TNRC6A: variants seen among roughly 807,000 people sequenced by gnomAD.
The protein encoded by TNRC6A is trinucleotide repeat containing adaptor 6A.
TNRC6A carries 44 observed loss-of-function variants against 221.2 expected under a neutral mutation model. That is an observed-to-expected ratio of 0.20 (90% confidence interval 0.16 to 0.26). TNRC6A has a LOEUF of 0.26. Ranked by LOEUF, TNRC6A falls within the 10% of genes least tolerant of loss-of-function variation. The probability of loss-of-function intolerance (pLI) is 1.00; values close to 1 mark genes in which losing one functional copy is unlikely to be tolerated. For missense variants in TNRC6A, 2,199 were observed against 2,404.4 expected (o/e 0.91, Z 1.79); for synonymous variants, 847 against 838.5 (o/e 1.01, Z -0.18).
intron 11 of TNRC6A, 88 bp from the exon 12 acceptor site, chr16:24,804,089 G>C (rs1429988698): frequency 7.3e-7 from 1 of 1,377,698 alleles, no homozygotes; most frequent in African/African-American, 1.5e-5. Context: ...TTTCAGTTTG[G>C]AAAGTGAGTG....
At chr16:24,650,322 G>C (rs1902568023) in intron 2 of TNRC6A, among the ~76,000 whole-genome samples, 1 of 152,124 alleles carries the variant, frequency 6.6e-6, no homozygotes, top group South Asian at 2.1e-4. Flanking sequence ...CATACTGTCT[G>C]GATAAAACAT....
intron 2 of TNRC6A, among the ~76,000 whole-genome samples, chr16:24,731,785 G>T (rs377440621): frequency 6.6e-6 from 1 of 152,172 alleles, no homozygotes; most frequent in African/African-American, 2.4e-5. Flanking sequence ...TCGAGTCTGG[G>T]TTGGCTATTT....
chr16:24,688,405 C>A (rs1472036535), intron 2 of TNRC6A, among the ~76,000 whole-genome samples: 1 of 152,164 alleles, frequency 6.6e-6, no homozygotes, highest in East Asian at 1.9e-4. Flanking sequence ...GCCCTTTCCA[C>A]CTCCTCTCCA....
chr16:24,805,800 C>T (rs1428110469), intron 15 of TNRC6A, 67 bp downstream of exon 15: 3 of 1,599,364 alleles, frequency 1.9e-6, no homozygotes, highest in Admixed American at 1.7e-5. Flanking sequence ...AAACACTAGA[C>T]TCTGTGCGGG....
At chr16:24,719,062 G>T (rs2056365969) in intron 2 of TNRC6A, among the ~76,000 whole-genome samples, 1 of 150,802 alleles carries the variant, frequency 6.6e-6, no homozygotes, top group African/African-American at 2.4e-5. Flanking sequence ...AAAAGAAAAA[G>T]GAAAAAAAGA....
At chr16:24,802,490 A>C (rs1477345198) in intron 11 of TNRC6A, among the ~76,000 whole-genome samples, 1 of 152,214 alleles carries the variant, frequency 6.6e-6, no homozygotes, top group Non-Finnish European at 1.5e-5. Context: ...CACAGGCTGC[A>C]GTGAGCCAAG....
chr16:24,683,190 TTTG>T (rs372587926), intron 2 of TNRC6A, among the ~76,000 whole-genome samples: 35 of 152,228 alleles, frequency 2.3e-4, no homozygotes, highest in African/African-American at 8.2e-4. Flanking sequence ...TTGGTGTTTT[TTTG>T]TTGTTGTTAC....
intron 2 of TNRC6A, among the ~76,000 whole-genome samples, chr16:24,648,274 C>CTTTTTTTTTT (rs71156430): frequency 0.063 from 6,076 of 97,168 alleles, 1,166 homozygotes; most frequent in African/African-American, 0.15. Context: ...TCCACAGCAA[C>CTTTTTTTTTT]TTTTTTTTTT....
chr16:24,823,664 A>G lies in TNRC6A; in HGVS notation c.5746A>G (p.Thr1916Ala). 6.2e-7 allele frequency: 1 copy of G among 1,612,042 alleles called. No homozygotes were observed. Among genetic ancestry groups the G allele is most frequent in the Non-Finnish European group, 8.5e-7 (1 of 1,178,694 alleles). Residue 1916 changes from threonine to alanine, a missense_variant, in exon 25 of 25, where the codon ACT becomes GCT. Transcript: ENST00000395799. The surrounding 1 kb of genome is among the most constrained non-coding windows in gnomAD (Gnocchi z 4.3). The part of the protein sequence containing the change: ...SGTNCGDLHG[T>A]SLWGTPHYST... ...AACTAACTGTGGAGACCTTCACGGC[A>G]CTTCACTCTGGGGGACCCCGCATTA...
chr16:24,681,922 G>C (rs904525383), intron 2 of TNRC6A, among the ~76,000 whole-genome samples: 1 of 152,178 alleles, frequency 6.6e-6, no homozygotes, highest in Non-Finnish European at 1.5e-5. Context: ...GCAACGTGTT[G>C]CCAAACTCCT....
intron 2 of TNRC6A, among the ~76,000 whole-genome samples, chr16:24,665,897 TGA>T (rs1362435119): frequency 6.6e-6 from 1 of 152,156 alleles, no homozygotes; most frequent in Non-Finnish European, 1.5e-5. Context: ...CAAATCTTTG[TGA>T]GGTGTTGGTG....
Position 24,797,986 on chromosome 16 carries a change from G to A in TNRC6A, c.3694+20G>A. 3.7e-6 allele frequency: 6 copies of A among 1,601,442 alleles called. No individual in the cohort carries two copies. Among genetic ancestry groups the A allele is most frequent in the Non-Finnish European group, 5.1e-6 (6 of 1,171,830 alleles). On this transcript the variant is annotated intron_variant, in intron 11 of 24. Coordinates refer to ENST00000395799, the MANE Select transcript of TNRC6A (RefSeq NM_014494.4). ...CTGGAGGTAAGAGAAAATTAAATCT[G>A]TTTATATTCCTCATTGAGGGACACG... is the stretch of plus-strand genomic sequence containing the variant.
intron 20 of TNRC6A, 132 bp downstream of exon 20, chr16:24,817,088 C>T (rs2058672310): frequency 4.9e-6 from 4 of 813,534 alleles, no homozygotes; most frequent in Non-Finnish European, 7.1e-6. Flanking sequence ...GAGCTTGAGG[C>T]AAGCCTGGGC....
At chr16:24,710,365 C>T (rs56189906) in intron 2 of TNRC6A, among the ~76,000 whole-genome samples, 39,071 of 151,892 alleles carry the variant, frequency 0.26, 8,320 homozygotes, top group East Asian at 0.72. Flanking sequence ...CCCAGCACTT[C>T]GAGAGGCTGA....
In TNRC6A at chr16:24,768,915, G is replaced by A. The variant is rs72768688; in HGVS notation, c.164-8018G>A. Among the ~76,000 whole-genome samples the A allele has an allele frequency of 5.9e-3, 898 of 152,328 alleles. 7 individuals are homozygous for A. The highest frequency in any genetic ancestry group is 0.024 in the Middle Eastern group (7 of 294). ...GAAATTGATGTTTTGGGGATTGGTA[G>A]ATGATTGTTGGCTGGTCCACATTTA... On this transcript the variant is annotated intron_variant, in intron 4 of 24. Coordinates refer to ENST00000395799, the MANE Select transcript of TNRC6A (RefSeq NM_014494.4).
chr16:24,723,787 G>A (rs1404164858), intron 2 of TNRC6A, among the ~76,000 whole-genome samples: 1 of 151,614 alleles, frequency 6.6e-6, no homozygotes, highest in Non-Finnish European at 1.5e-5. Context: ...CACATAAATT[G>A]AGAGACAACT....
chr16:24,729,301 A>AT (rs60592267), upstream of TNRC6A, among the ~76,000 whole-genome samples: 498 of 94,580 alleles, frequency 5.3e-3, 5 homozygotes, highest in African/African-American at 0.012. Flanking sequence ...GTTTTAGGCA[A>AT]TTTTTTTTTT....
chr16:24,803,418 CA>C (rs61162237), intron 11 of TNRC6A: 44 of 133,056 alleles, frequency 3.3e-4, no homozygotes, highest in Middle Eastern at 4.2e-3. Context: ...GACCCCTTCT[CA>C]AAAAAAAAAA....
upstream of TNRC6A, among the ~76,000 whole-genome samples, chr16:24,728,795 C>T (rs181027426): frequency 2.2e-4 from 33 of 152,282 alleles, no homozygotes; most frequent in Admixed American, 5.9e-4. Flanking sequence ...CTTAGTCTAT[C>T]TACATGTATG....
Sources: allele counts gnomAD v4.1 joint callset (sites outside exome capture counted in the v4.1 genomes callset), GRCh38; gene constraint gnomAD v4.1.1; non-coding constraint Gnocchi (gnomAD v3.1); transcripts MANE v1.5; gene names NCBI Gene and HGNC (gene_info 2026-07-23, HGNC 2026-07-21).